The following AQR variants were observed in gnomAD, a reference collection of about 807,000 sequenced individuals.
The protein encoded by AQR is aquarius intron-binding spliceosomal factor, also known as RNA helicase aquarius.
Under a neutral mutation model 180.5 loss-of-function variants are expected in AQR, and 61 were observed. That is an observed-to-expected ratio of 0.34 (90% CI 0.28 to 0.42). The LOEUF (loss-of-function observed/expected upper bound fraction) is 0.42. Ranked by LOEUF, AQR falls within the 10% of genes least tolerant of loss-of-function variation. The pLI is 1.00. For missense variants in AQR, 1,281 were observed against 1,798.3 expected (o/e 0.71, Z 5.20); for synonymous variants, 551 against 588.8 (o/e 0.94, Z 0.93).
intron 28 of AQR, 38 bp downstream of exon 28, chr15:34,875,897 A>T: frequency 1.3e-6 from 2 of 1,499,154 alleles, no homozygotes; most frequent in Admixed American, 1.7e-5. Flanking sequence ...GCATTCTTAG[A>T]ACTCTATTTT....
Position 34,873,957 on chromosome 15 carries a change from G to A in AQR, c.3468C>T (p.Asn1156=), listed in dbSNP as rs772773793. ...LYNWRYKNLG[N]LPHVQLLPEF... ...CTGGCAAGAGCTGCACATGGGGTAAGTTTCCTAGATTCTTGTATCGCCAGT... is the reference window on the plus strand; with the variant it reads ...CTGGCAAGAGCTGCACATGGGGTAAATTTCCTAGATTCTTGTATCGCCAGT... Residue 1156 remains asparagine, a synonymous_variant, in exon 30 of 35, where the codon AAC becomes AAT. Transcript: ENST00000156471. 4.3e-6 allele frequency: 7 copies of A among 1,610,736 alleles called. No homozygotes were observed. The South Asian group carries it at 6.6e-5, about 15-fold the overall frequency.
intron 9 of AQR, among the ~76,000 whole-genome samples, chr15:34,938,304 T>C (rs916079407): frequency 6.6e-6 from 1 of 151,882 alleles, no homozygotes; most frequent in African/African-American, 2.4e-5. Flanking sequence ...GAGGCTGAGG[T>C]GGATGGATCA....
At position 34,960,899 on chromosome 15, in the gene AQR, A is replaced by G. The variant is rs2050272490; in HGVS notation, c.133-85T>C. On this transcript the variant is annotated intron_variant, in intron 2 of 34. Transcript: ENST00000156471. ...CAGTTTTTAATGAGTGAGATTATAT[A>G]AAATAAGTTGGTTTAGGAAAGCCAT... 5.9e-6 allele frequency: 3 copies of G among 509,316 alleles called. No homozygotes were observed. The South Asian group carries it at 6.7e-5, about 11-fold the overall frequency. 31.5% of individuals were successfully genotyped at this position (509,316 alleles called of 1,614,324 possible).
chr15:34,950,413 T>TCTCAGATCTATTTTCTAGTTCATTCC (rs1393652489), intron 4 of AQR, among the ~76,000 whole-genome samples: 165 of 152,218 alleles, frequency 1.1e-3, no homozygotes, highest in Non-Finnish European at 1.6e-3. Flanking sequence ...TAGTTAATTC[T>TCTCAGATCTATTTTCTAGTTCATTCC]CTCAGATCTA....
intron 5 of AQR, among the ~76,000 whole-genome samples, chr15:34,946,430 T>G (rs1431405714): frequency 1.4e-3 from 141 of 98,188 alleles, no homozygotes; most frequent in Middle Eastern, 6.3e-3. Context: ...GGGAGGGAGG[T>G]GGGGGGGGTC....
At chr15:34,878,924 AG>A in intron 27 of AQR, among the ~76,000 whole-genome samples, 1 of 152,116 alleles carries the variant, frequency 6.6e-6, no homozygotes, top group Non-Finnish European at 1.5e-5. Flanking sequence ...GCTACTTGGG[AG>A]GCTGAGGCAG....
At position 34,942,020 on chromosome 15, in the gene AQR, A is replaced by G. The variant is rs1289807844; in HGVS notation, c.532T>C (p.Leu178=). The G allele has an allele frequency of 9.9e-6, 16 of 1,611,488 alleles. No homozygotes were observed. The highest frequency in any genetic ancestry group is 1.4e-5 in the Non-Finnish European group (16 of 1,178,220). Reference sequence around the variant, plus strand: ...TGAAATTAGAGACTTACCAGCTGTAAGCCCATCCACATTGGGAGGGAGATA... The same window carrying G: ...TGAAATTAGAGACTTACCAGCTGTAGGCCCATCCACATTGGGAGGGAGATA... ...QLISLPMWMG[L]QLARLELELK... Residue 178 remains leucine, a synonymous_variant, in exon 7 of 35, where the codon TTA becomes CTA. Coordinates refer to ENST00000156471, the MANE Select transcript of AQR (RefSeq NM_014691.3).
intron 11 of AQR, among the ~76,000 whole-genome samples, chr15:34,931,037 C>T (rs558800911): frequency 1.2e-3 from 176 of 152,094 alleles, no homozygotes; most frequent in Admixed American, 1.8e-3. Flanking sequence ...GGGGTTTCAC[C>T]GTGTTAGCCA....
chr15:34,896,571 A>G (rs901675566), intron 22 of AQR, among the ~76,000 whole-genome samples: 35 of 149,550 alleles, frequency 2.3e-4, no homozygotes, highest in African/African-American at 7.6e-4. Context: ...GGTGTGGCTG[A>G]GTGCGGTGGC....
intron 6 of AQR, 32 bp downstream of exon 6, chr15:34,944,256 G>A (rs1284865750): frequency 1.9e-6 from 3 of 1,546,742 alleles, no homozygotes; most frequent in African/African-American, 2.8e-5. Context: ...AAGAAAACTT[G>A]AAAATTACCC....
At chr15:34,879,004 G>C (rs1008235579) in intron 27 of AQR, among the ~76,000 whole-genome samples, 1 of 151,858 alleles carries the variant, frequency 6.6e-6, no homozygotes, top group South Asian at 2.1e-4. Context: ...CTCTAGCCTG[G>C]GCAACAGAGC....
chr15:34,925,841 CA>C (rs1315159778), intron 13 of AQR, among the ~76,000 whole-genome samples: 3 of 145,956 alleles, frequency 2.1e-5, no homozygotes, highest in African/African-American at 2.5e-5. Flanking sequence ...TCAAAAAAAA[CA>C]AAAAAAAAGA....
chr15:34,912,453 A>C (rs773144053), intron 16 of AQR, among the ~76,000 whole-genome samples: 4 of 151,996 alleles, frequency 2.6e-5, no homozygotes, highest in Admixed American at 6.5e-5. Flanking sequence ...TATCCTCTTC[A>C]TAAAGACCAT....
At chr15:34,875,300 T>C (rs1892874764) in intron 28 of AQR, among the ~76,000 whole-genome samples, 1 of 152,188 alleles carries the variant, frequency 6.6e-6, no homozygotes, top group South Asian at 2.1e-4. Context: ...TCTTTAATTA[T>C]CTACACTACT....
At chr15:34,963,107 GCAATTGATACTACATGTGTGAGC>G in intron 2 of AQR, among the ~76,000 whole-genome samples, 1 of 152,084 alleles carries the variant, frequency 6.6e-6, no homozygotes, top group East Asian at 1.9e-4. Context: ...AGCTTCCAGA[GCAATTGATACTACATGTGTGAGC>G]CACTGCACAA....
At chr15:34,942,328 A>G (rs546683983) in intron 6 of AQR, among the ~76,000 whole-genome samples, 1 of 152,364 alleles carries the variant, frequency 6.6e-6, no homozygotes, top group African/African-American at 2.4e-5. Context: ...TCAACACTCC[A>G]TGTGCTTTCA....
rs552530632 is a variant in AQR, at chr15:34,854,381, C to A, written c.*2411G>T. ...TAGTAATCCCAAACTATATAGAAAA[C>A]TCTTGAATTTATTAAGCAATCCCTC... On this transcript the variant is annotated 3_prime_UTR_variant, in exon 35 of 35. Transcript: ENST00000156471. The A allele has an allele frequency of 6.6e-6, 1 of 152,186 alleles. No individual in the cohort carries two copies. 9.4% of individuals were successfully genotyped at this position (152,186 alleles called of 1,614,324 possible). A position where few individuals can be genotyped will look rare whatever the true frequency, so the allele number is the denominator to read the frequency against.
chr15:34,909,166 A>G (rs1233597545), intron 17 of AQR, among the ~76,000 whole-genome samples: 3 of 152,236 alleles, frequency 2.0e-5, no homozygotes, highest in Admixed American at 1.3e-4. Flanking sequence ...TGGTAGTAAT[A>G]ATTTCTGAAA....
intron 34 of AQR, among the ~76,000 whole-genome samples, chr15:34,857,442 G>C (rs539704680): frequency 1.1e-4 from 16 of 152,208 alleles, no homozygotes; most frequent in Non-Finnish European, 2.4e-4. Flanking sequence ...TCAAGAAAGG[G>C]TCAACTTTAA....
Sources: gnomAD v4.1 joint callset for allele counts (sites outside exome capture counted in the v4.1 genomes callset) on GRCh38, gnomAD v4.1.1 for gene constraint, MANE v1.5 for transcripts, NCBI Gene and HGNC (gene_info 2026-07-23, HGNC 2026-07-21) for gene names.